The following TMEM132C variants were observed in gnomAD, a reference collection of about 807,000 sequenced individuals.
TMEM132C encodes the protein transmembrane protein 132C, also known as protein phosphatase 1, regulatory subunit 152.
TMEM132C carries 29 observed loss-of-function variants against 61.4 expected under a neutral mutation model. The observed-to-expected ratio is 0.47, with a 90% confidence interval of 0.35 to 0.64. The LOEUF (loss-of-function observed/expected upper bound fraction) is 0.64. Ranked by LOEUF, TMEM132C falls within the 30% of genes least tolerant of loss-of-function variation. The probability of loss-of-function intolerance (pLI) is 0.00; values close to 1 mark genes in which losing one functional copy is unlikely to be tolerated. For missense variants in TMEM132C, 1,408 were observed against 1,476.9 expected (o/e 0.95, Z 0.76); for synonymous variants, 656 against 633.1 (o/e 1.04, Z -0.54).
intron 1 of TMEM132C, among the ~76,000 whole-genome samples, chr12:128,277,154 G>A (rs1453532769): frequency 1.3e-5 from 2 of 152,260 alleles, no homozygotes; most frequent in African/African-American, 4.8e-5. Context: ...TCTTATTCAC[G>A]ATTCCTCTAG....
rs902060 is a variant in TMEM132C at position 128,697,289 on chromosome 12, A to G, written c.1995A>G (p.Val665=). 1,547,474 of 1,550,368 alleles carry G rather than the reference A, an allele frequency of 1. 772,342 individuals carry two copies. Among genetic ancestry groups the G allele is most frequent in the East Asian group, 1 (40,870 of 40,870 alleles). Residue 665 remains valine, a synonymous_variant, in exon 8 of 9, where the codon GTA becomes GTG. Transcript: ENST00000435159. ...EKTITVLDDK[V]SVTDLAIQLV... is the part of the protein sequence containing the mutation. ...CAATAACCGTGCTAGATGACAAAGT[A>G]TCGGTGACAGACTTGGCCATCCAGC...
intron 2 of TMEM132C, among the ~76,000 whole-genome samples, chr12:128,498,478 C>T (rs957818607): frequency 2.6e-5 from 4 of 152,068 alleles, no homozygotes; most frequent in Admixed American, 2.6e-4. Context: ...GAGTTCTAGA[C>T]CATCCTGGCT....
chr12:128,380,767 G>C (rs572066609), intron 1 of TMEM132C, among the ~76,000 whole-genome samples: 4 of 152,160 alleles, frequency 2.6e-5, no homozygotes, highest in Non-Finnish European at 4.4e-5. Flanking sequence ...AGTGTTTTAA[G>C]GGAAGTACAG....
At chr12:128,476,607 G>T (rs1871162874) in intron 2 of TMEM132C, among the ~76,000 whole-genome samples, 1 of 152,202 alleles carries the variant, frequency 6.6e-6, no homozygotes, top group Admixed American at 6.5e-5. Flanking sequence ...AGAAAACACA[G>T]AATTTGCTAA....
intron 1 of TMEM132C, among the ~76,000 whole-genome samples, chr12:128,398,007 T>A (rs1593039139): frequency 6.6e-6 from 1 of 152,206 alleles, no homozygotes; most frequent in Admixed American, 6.5e-5. Flanking sequence ...TCTGTTGATT[T>A]TTTTCCCCCG....
intron 3 of TMEM132C, among the ~76,000 whole-genome samples, chr12:128,583,635 G>T (rs1403467219): frequency 6.6e-6 from 1 of 152,150 alleles, no homozygotes; most frequent in East Asian, 1.9e-4. Context: ...GGAATGGCTG[G>T]ACCCTAGAGG....
intron 1 of TMEM132C, among the ~76,000 whole-genome samples, chr12:128,325,289 C>T (rs1453535581): frequency 6.6e-6 from 1 of 152,116 alleles, no homozygotes; most frequent in East Asian, 1.9e-4. Flanking sequence ...AAGTTTCAAA[C>T]AAGGAAAACA....
chr12:128,396,370 G>C (rs2459952), intron 1 of TMEM132C, among the ~76,000 whole-genome samples: 56,850 of 151,370 alleles, frequency 0.38, 11,955 homozygotes, highest in African/African-American at 0.57. Context: ...GAACATCACA[G>C]ACTGGGGCCT....
chr12:128,285,425 T>G (rs1289849865), intron 1 of TMEM132C, among the ~76,000 whole-genome samples: 1 of 152,178 alleles, frequency 6.6e-6, no homozygotes, highest in African/African-American at 2.4e-5. Flanking sequence ...AAAATTATCT[T>G]ATCACCAGCT....
At chr12:128,574,405 A>G (rs1875017544) in intron 3 of TMEM132C, among the ~76,000 whole-genome samples, 1 of 152,224 alleles carries the variant, frequency 6.6e-6, no homozygotes, top group Non-Finnish European at 1.5e-5. Context: ...CATCCCTACC[A>G]TAGAGAAACC....
intron 1 of TMEM132C, among the ~76,000 whole-genome samples, chr12:128,383,422 C>A (rs73436622): frequency 6.6e-6 from 1 of 152,128 alleles, no homozygotes; most frequent in African/African-American, 2.4e-5. Context: ...AGCTCGCAGC[C>A]GTGCTGAGTC....
intron 2 of TMEM132C, among the ~76,000 whole-genome samples, chr12:128,510,560 G>A (rs753628768): frequency 9.9e-5 from 15 of 152,120 alleles, no homozygotes; most frequent in East Asian, 3.8e-4. Context: ...GTAGCCTGCC[G>A]TCTAGAAGAC....
chr12:128,321,480 G>A (rs1347564488), intron 1 of TMEM132C, among the ~76,000 whole-genome samples: 1 of 152,202 alleles, frequency 6.6e-6, no homozygotes, highest in African/African-American at 2.4e-5. Context: ...GTTAGAGATG[G>A]AGAGGGTGGT....
intron 3 of TMEM132C, among the ~76,000 whole-genome samples, chr12:128,576,926 A>G (rs1457307147): frequency 6.6e-6 from 1 of 151,584 alleles, no homozygotes; most frequent in Middle Eastern, 3.4e-3. Flanking sequence ...TTTTATTGAG[A>G]TACAATTCAC....
intron 5 of TMEM132C, among the ~76,000 whole-genome samples, chr12:128,673,436 C>T (rs10847665): frequency 0.45 from 67,784 of 152,024 alleles, 17,548 homozygotes; most frequent in East Asian, 0.58. Flanking sequence ...GTTTAAGCCA[C>T]CTGACTTACG....
chr12:128,301,931 T>C (rs1270515367), intron 1 of TMEM132C, among the ~76,000 whole-genome samples: 1 of 152,128 alleles, frequency 6.6e-6, no homozygotes, highest in African/African-American at 2.4e-5. Flanking sequence ...GAGAGCCAAG[T>C]GAAAGAGGAA....
chr12:128,590,597 T>A (rs946049696), intron 3 of TMEM132C, among the ~76,000 whole-genome samples: 2 of 152,108 alleles, frequency 1.3e-5, no homozygotes, highest in African/African-American at 2.4e-5. Context: ...AGCACCTCAG[T>A]CTTGGCAACT....
chr12:128,415,499 G>A lies in TMEM132C; in HGVS notation c.853G>A (p.Glu285Lys), dbSNP rs766865185. 8.4e-6 allele frequency: 13 copies of A among 1,551,456 alleles called. No homozygotes were observed. The highest frequency in any genetic ancestry group is 3.9e-5 in the Admixed American group (2 of 50,980). ...YRAQDSAQLS[E>K]LRLDGNVVIW... Reference sequence around the variant, plus strand: ...GGCCCAGGACAGCGCCCAGCTCAGCGAGCTGCGTTTGGATGGTAACGTGGT... The same window carrying A: ...GGCCCAGGACAGCGCCCAGCTCAGCAAGCTGCGTTTGGATGGTAACGTGGT... The change falls in exon 2 of 9, where the codon GAG (glutamate) becomes AAG (lysine). Residue 285 changes from glutamate to lysine, a missense_variant. Coordinates refer to ENST00000435159, the MANE Select transcript of TMEM132C (RefSeq NM_001136103.3). This position sits in a 1 kb window ranked among gnomAD's most constrained non-coding sequence, Gnocchi z 5.8.
chr12:128,691,173 T>C (rs1169199554), intron 5 of TMEM132C, among the ~76,000 whole-genome samples: 1 of 152,252 alleles, frequency 6.6e-6, no homozygotes, highest in Admixed American at 6.5e-5. Flanking sequence ...CTAAACTGTA[T>C]GTGTGTGCAT....
Sources: gnomAD v4.1 joint callset for allele counts (sites outside exome capture counted in the v4.1 genomes callset) on GRCh38, gnomAD v4.1.1 for gene constraint, Gnocchi (gnomAD v3.1) non-coding constraint, MANE v1.5 for transcripts, NCBI Gene and HGNC (gene_info 2026-07-23, HGNC 2026-07-21) for gene names.